The following CTTNBP2 variants were observed in gnomAD, a reference collection of about 807,000 sequenced individuals.
CTTNBP2 encodes cortactin-binding protein 2.
In CTTNBP2, 108 loss-of-function variants were observed where a neutral mutation model predicts 156.9. That is an observed-to-expected ratio of 0.69 (90% CI 0.59 to 0.81). The LOEUF (loss-of-function observed/expected upper bound fraction) is 0.81, where lower values mean the gene tolerates loss of function less well. Ranked by LOEUF, CTTNBP2 falls within the 30% of genes least tolerant of loss-of-function variation. CTTNBP2 has a pLI of 0.00. For missense variants in CTTNBP2, 1,924 were observed against 2,035.4 expected (o/e 0.95, Z 1.05); for synonymous variants, 767 against 751.8 (o/e 1.02, Z -0.33).
chr7:117,748,271 T>C (rs1272918086), intron 12 of CTTNBP2, among the ~76,000 whole-genome samples: 2 of 152,176 alleles, frequency 1.3e-5, no homozygotes, highest in African/African-American at 4.8e-5. Context: ...GTACTTTTCA[T>C]TAAAAAATGC....
chr7:117,728,491 A>G (rs1356858512), intron 16 of CTTNBP2, among the ~76,000 whole-genome samples: 1 of 152,202 alleles, frequency 6.6e-6, no homozygotes, highest in African/African-American at 2.4e-5. Flanking sequence ...CATGAGCCTG[A>G]GTTAGGCATT....
intron 7 of CTTNBP2, among the ~76,000 whole-genome samples, chr7:117,779,228 A>G (rs1798269144): frequency 6.6e-6 from 1 of 152,214 alleles, no homozygotes. Context: ...CAAGTAGTCT[A>G]CTACTGAAGA....
At chr7:117,756,330 A>T (rs79779459) in intron 12 of CTTNBP2, among the ~76,000 whole-genome samples, 1,682 of 152,244 alleles carry the variant, frequency 0.011, 18 homozygotes, top group Non-Finnish European at 0.018. Context: ...TTCACAGGTC[A>T]CAGGTGGTCT....
At chr7:117,771,912 G>A (rs1797816917) in intron 8 of CTTNBP2, among the ~76,000 whole-genome samples, 1 of 152,164 alleles carries the variant, frequency 6.6e-6, no homozygotes, top group South Asian at 2.1e-4. Flanking sequence ...GTCAGGACAG[G>A]AGAAGAGGCC....
intron 2 of CTTNBP2, among the ~76,000 whole-genome samples, chr7:117,817,092 C>G (rs1288285834): frequency 6.6e-6 from 1 of 151,024 alleles, no homozygotes; most frequent in Non-Finnish European, 1.5e-5. Context: ...AATCCGAGCA[C>G]TTTGGGAGGT....
chr7:117,802,437 C>CAAAAAAAAAAAAAAAAAAA (rs759797673), intron 3 of CTTNBP2, among the ~76,000 whole-genome samples: 2 of 83,740 alleles, frequency 2.4e-5, no homozygotes, highest in Non-Finnish European at 5.9e-5. Context: ...TCAGCATTGG[C>CAAAAAAAAAAAAAAAAAAA]AAAAAAAAAA....
intron 16 of CTTNBP2, among the ~76,000 whole-genome samples, chr7:117,732,546 A>G (rs1278886310): frequency 6.7e-6 from 1 of 149,824 alleles, no homozygotes; most frequent in Non-Finnish European, 1.5e-5. Context: ...GCTACTCAGG[A>G]GGCTGAGGCA....
intron 5 of CTTNBP2, among the ~76,000 whole-genome samples, chr7:117,783,745 T>A (rs891343831): frequency 2.0e-5 from 3 of 152,242 alleles, no homozygotes; most frequent in Admixed American, 6.5e-5. Flanking sequence ...TGTTTTGGTA[T>A]ATTTGACTAC....
intron 2 of CTTNBP2, among the ~76,000 whole-genome samples, chr7:117,840,387 G>A (rs1319334655): frequency 1.3e-5 from 2 of 152,028 alleles, no homozygotes; most frequent in Non-Finnish European, 2.9e-5. Flanking sequence ...AATTAGCCAG[G>A]TGCAGTGGGG....
intron 6 of CTTNBP2, among the ~76,000 whole-genome samples, chr7:117,782,126 T>C (rs1403413124): frequency 6.6e-6 from 1 of 152,222 alleles, no homozygotes; most frequent in Non-Finnish European, 1.5e-5. Flanking sequence ...TTAAAGAACA[T>C]TCCTATCGGG....
At chr7:117,858,086 A>T (rs1462175279) in intron 2 of CTTNBP2, among the ~76,000 whole-genome samples, 1 of 152,200 alleles carries the variant, frequency 6.6e-6, no homozygotes, top group African/African-American at 2.4e-5. Context: ...AGGAATCTCC[A>T]TAGGTCGGGC....
chr7:117,721,335 A>G lies in CTTNBP2; in HGVS notation c.4448-205T>C, dbSNP rs537462807. Among the ~76,000 whole-genome samples the G allele has an allele frequency of 2.0e-5, 3 of 152,240 alleles. No homozygotes were observed. The East Asian group carries it at 5.8e-4, about 29-fold the overall frequency. ...CTGTGGGAAAGTCAAGGAATAGCCAACTCCCTCGAGTACATTTTGATGGAA... is the reference window on the plus strand; with the variant it reads ...CTGTGGGAAAGTCAAGGAATAGCCAGCTCCCTCGAGTACATTTTGATGGAA... On this transcript the variant is annotated intron_variant, in intron 19 of 22. Coordinates refer to ENST00000160373, the MANE Select transcript of CTTNBP2 (RefSeq NM_033427.3).
chr7:117,858,040 A>G (rs981646394), intron 2 of CTTNBP2, among the ~76,000 whole-genome samples: 1 of 152,232 alleles, frequency 6.6e-6, no homozygotes, highest in African/African-American at 2.4e-5. Flanking sequence ...CTAAATAAAG[A>G]AATCACAATT....
intron 1 of CTTNBP2, among the ~76,000 whole-genome samples, chr7:117,873,095 G>A (rs1043548783): frequency 1.3e-5 from 2 of 152,324 alleles, no homozygotes; most frequent in Non-Finnish European, 2.9e-5. Flanking sequence ...ACCCGGGGCC[G>A]CTTCCCGTGG....
chr7:117,813,938 T>A (rs1412536404), intron 2 of CTTNBP2, among the ~76,000 whole-genome samples: 2 of 152,252 alleles, frequency 1.3e-5, no homozygotes, highest in Non-Finnish European at 2.9e-5. Context: ...TACAATAATT[T>A]GCATCTTGTT....
intron 4 of CTTNBP2, among the ~76,000 whole-genome samples, chr7:117,787,683 G>C (rs958365105): frequency 3.9e-5 from 6 of 152,176 alleles, no homozygotes; most frequent in African/African-American, 9.7e-5. Flanking sequence ...AGAAATTCTA[G>C]TTCATTTAGA....
At chr7:117,823,906 A>T (rs1207899553) in intron 2 of CTTNBP2, among the ~76,000 whole-genome samples, 2 of 146,944 alleles carry the variant, frequency 1.4e-5, no homozygotes, top group Non-Finnish European at 3.0e-5. Flanking sequence ...GTCCAGGCTC[A>T]CCTAATTTCT....
In CTTNBP2 at chr7:117,768,943, T is replaced by C. The variant is rs1335824041; in HGVS notation, c.2779-1767A>G. Among the ~76,000 whole-genome samples the C allele has an allele frequency of 2.0e-5, 3 of 152,374 alleles. No individual in the cohort carries two copies. In the East Asian group the frequency reaches 5.8e-4, roughly 29 times the overall value. On this transcript the variant is annotated intron_variant, in intron 8 of 22. Coordinates refer to ENST00000160373, the MANE Select transcript of CTTNBP2 (RefSeq NM_033427.3). ...TGTGGGATTCCATTATATTCCATTATGGTATACCACAATTTACTTATCCAT... is the reference window on the plus strand; with the variant it reads ...TGTGGGATTCCATTATATTCCATTACGGTATACCACAATTTACTTATCCAT...
chr7:117,794,606 C>A (rs1799211851), intron 3 of CTTNBP2, among the ~76,000 whole-genome samples: 1 of 152,178 alleles, frequency 6.6e-6, no homozygotes, highest in South Asian at 2.1e-4. Flanking sequence ...CACAGTCAGT[C>A]ATGGGACCAA....
Sources: gnomAD v4.1 joint callset for allele counts (sites outside exome capture counted in the v4.1 genomes callset) on GRCh38, gnomAD v4.1.1 for gene constraint, MANE v1.5 for transcripts, NCBI Gene and HGNC (gene_info 2026-07-23, HGNC 2026-07-21) for gene names.